Variants in CSMD3 observed in about 807,000 individuals in gnomAD.
CSMD3 encodes the protein CUB and sushi domain-containing protein 3.
A neutral mutation model predicts 435.2 loss-of-function variants in CSMD3; 177 were observed. The ratio of observed to expected loss-of-function variants is 0.41; its 90% CI spans 0.36 to 0.46. The LOEUF is 0.46. CSMD3 is among the 20% of genes least tolerant of loss of function. CSMD3 has a pLI of 0.34. For synonymous variants in CSMD3, 1,656 were observed against 1,520.5 expected (o/e 1.09, Z -2.07); for missense variants, 4,265 against 4,504.6 (o/e 0.95, Z 1.52).
At chr8:113,251,314 T>G (rs2093333110) in intron 3 of CSMD3, among the ~76,000 whole-genome samples, 1 of 152,072 alleles carries the variant, frequency 6.6e-6, no homozygotes, top group African/African-American at 2.4e-5. Flanking sequence ...TAAGAGTGGA[T>G]TCAAATGAAA....
chr8:112,252,343 C>T (rs1388380523), intron 63 of CSMD3, among the ~76,000 whole-genome samples: 3 of 151,772 alleles, frequency 2.0e-5, no homozygotes, highest in African/African-American at 4.8e-5. Context: ...GGCCAATCTG[C>T]GGAGAGAAAA....
In CSMD3 at chr8:112,638,830, T is replaced by C; in HGVS notation, c.3392A>G (p.Gln1131Arg). The change falls in exon 21 of 71, where the codon CAA becomes CGA. Residue 1131 changes from glutamine (Q) to arginine (R), a missense_variant. Around this residue, in one of 3 missense-constraint regions of CSMD3, gnomAD observed 3,255 missense variants for 3,380.2 expected, o/e 0.96. Coordinates refer to ENST00000297405, the MANE Select transcript of CSMD3 (RefSeq NM_198123.2). ...TGAACCAGTCAGGCGTGCCAGTGGT[T>C]GGGTAAAACTGCCATTCTCTGTGAT... ...LLITENGSFT[Q>R]PLARLTGSDL... is the part of the protein sequence containing the mutation. 6.2e-7 allele frequency: 1 copy of C among 1,613,152 alleles called. No homozygotes were observed. Among genetic ancestry groups the C allele is most frequent in the Non-Finnish European group, 8.5e-7 (1 of 1,179,366 alleles).
At chr8:112,557,014 C>T (rs1042370078) in intron 24 of CSMD3, 60 bp from the exon 25 acceptor site, 123 of 995,868 alleles carry the variant, frequency 1.2e-4, no homozygotes, top group Non-Finnish European at 3.0e-5. Flanking sequence ...TAAATCTATA[C>T]AAATCATTCC....
At chr8:112,590,113 T>C (rs760889804) in intron 22 of CSMD3, among the ~76,000 whole-genome samples, 8 of 152,174 alleles carry the variant, frequency 5.3e-5, no homozygotes, top group Non-Finnish European at 1.0e-4. Context: ...TAGAATGCTC[T>C]GATTTGGAAA....
intron 3 of CSMD3, among the ~76,000 whole-genome samples, chr8:113,256,993 TG>T (rs1205197234): frequency 1.3e-5 from 2 of 152,194 alleles, no homozygotes; most frequent in African/African-American, 2.4e-5. Context: ...CTGATTTACA[TG>T]AATGTTAATA....
In CSMD3 at chr8:112,376,762, C is replaced by A. The variant is rs981599224; in HGVS notation, c.6136+3590G>T. 1.3e-5 allele frequency among the ~76,000 whole-genome samples: 2 copies of A among 152,088 alleles called. 1 individual carries two copies. The highest frequency in any genetic ancestry group is 2.9e-5 in the Non-Finnish European group (2 of 67,998). ...ATCTTCTACCTCTAGGTGCTATGTC[C>A]ATTTATTCATTTACTCATTCAACAA... On this transcript the variant is annotated intron_variant, in intron 38 of 70. Transcript: ENST00000297405.
chr8:112,350,394 A>T (rs1042709612), intron 40 of CSMD3, among the ~76,000 whole-genome samples: 1 of 151,730 alleles, frequency 6.6e-6, no homozygotes, highest in East Asian at 1.9e-4. Context: ...TGCAGGCTGA[A>T]TATGTTTGCC....
intron 2 of CSMD3, among the ~76,000 whole-genome samples, chr8:113,285,480 C>G (rs1008594009): frequency 6.6e-6 from 1 of 152,014 alleles, no homozygotes; most frequent in Non-Finnish European, 1.5e-5. Context: ...AGGATGGTCT[C>G]GATCTCCTGA....
At chr8:112,952,754 CA>C (rs1430603434) in intron 8 of CSMD3, among the ~76,000 whole-genome samples, 5 of 151,322 alleles carry the variant, frequency 3.3e-5, no homozygotes, top group African/African-American at 9.7e-5. Flanking sequence ...ATAGAAAATA[CA>C]ATGAATAAAT....
At chr8:113,027,893 T>A (rs886645105) in intron 5 of CSMD3, among the ~76,000 whole-genome samples, 2 of 152,100 alleles carry the variant, frequency 1.3e-5, no homozygotes, top group African/African-American at 4.8e-5. Context: ...GAAAAATCTA[T>A]GTTTATATAT....
intron 13 of CSMD3, among the ~76,000 whole-genome samples, chr8:112,785,127 T>C (rs1387612398): frequency 6.6e-6 from 1 of 152,026 alleles, no homozygotes; most frequent in Admixed American, 6.6e-5. Context: ...CCAATTAATG[T>C]GATATAGCAT....
chr8:113,296,541 A>C (rs924037192), intron 2 of CSMD3, among the ~76,000 whole-genome samples: 5 of 151,996 alleles, frequency 3.3e-5, no homozygotes, highest in East Asian at 3.9e-4. Flanking sequence ...ACCCAACCAA[A>C]CAAACAAACA....
intron 63 of CSMD3, among the ~76,000 whole-genome samples, chr8:112,251,336 T>G (rs1355003120): frequency 4.0e-5 from 6 of 151,676 alleles, no homozygotes; most frequent in African/African-American, 1.4e-4. Flanking sequence ...TAAATAAAAT[T>G]GACACAGAAA....
chr8:112,622,018 G>T (rs183637840), intron 22 of CSMD3, among the ~76,000 whole-genome samples: 68 of 152,214 alleles, frequency 4.5e-4, no homozygotes, highest in Non-Finnish European at 7.6e-4. Context: ...AAGGTCTGAG[G>T]TCTAGCTAGC....
intron 3 of CSMD3, among the ~76,000 whole-genome samples, chr8:113,245,973 T>C (rs2093272048): frequency 1.3e-5 from 2 of 152,156 alleles, no homozygotes; most frequent in South Asian, 2.1e-4. Context: ...GAAACCTCTC[T>C]TTATCTTATT....
intron 6 of CSMD3, among the ~76,000 whole-genome samples, chr8:113,015,393 C>T (rs1434691604): frequency 1.3e-5 from 2 of 151,676 alleles, no homozygotes; most frequent in Non-Finnish European, 2.9e-5. Context: ...AAATAAATTT[C>T]TGTAAAATAT....
At chr8:113,414,306 T>A (rs746177119) in intron 1 of CSMD3, among the ~76,000 whole-genome samples, 55 of 152,320 alleles carry the variant, frequency 3.6e-4, no homozygotes, top group Non-Finnish European at 6.5e-4. Flanking sequence ...AACTTTATTA[T>A]TTTGGTAAGA....
chr8:112,507,673 T>G (rs970780299), intron 28 of CSMD3, among the ~76,000 whole-genome samples: 3 of 152,206 alleles, frequency 2.0e-5, no homozygotes, highest in Non-Finnish European at 2.9e-5. Flanking sequence ...AAATTAAATT[T>G]TTTTGTCCTA....
chr8:113,095,575 T>C (rs1281746161), intron 5 of CSMD3, among the ~76,000 whole-genome samples: 1 of 152,174 alleles, frequency 6.6e-6, no homozygotes, highest in Non-Finnish European at 1.5e-5. Context: ...TAATTTTTTC[T>C]TTTGGTTTCC....
Sources: allele counts gnomAD v4.1 joint callset (sites outside exome capture counted in the v4.1 genomes callset), GRCh38; gene constraint gnomAD v4.1.1; regional missense constraint gnomAD v4.1.1; transcripts MANE v1.5; gene names NCBI Gene and HGNC (gene_info 2026-07-23, HGNC 2026-07-21).